The following ST7 variants were observed in gnomAD, a reference collection of about 807,000 sequenced individuals.
ST7 encodes the protein suppression of tumorigenicity 7.
A neutral mutation model predicts 78.7 loss-of-function variants in ST7; 28 were observed. That is an observed-to-expected ratio of 0.36 (90% CI 0.26 to 0.49). The LOEUF (loss-of-function observed/expected upper bound fraction) is 0.49. ST7 is among the 20% of genes least tolerant of loss of function. ST7 has a pLI of 0.99. For missense variants in ST7, 418 were observed against 696.0 expected (o/e 0.60, Z 4.49); for synonymous variants, 247 against 249.6 (o/e 0.99, Z 0.10).
intron 1 of ST7, among the ~76,000 whole-genome samples, chr7:117,036,767 C>G (rs1268450686): frequency 6.6e-6 from 1 of 152,104 alleles, no homozygotes; most frequent in Non-Finnish European, 1.5e-5. Flanking sequence ...TGGCTGCCCA[C>G]TTGGTATTAT....
chr7:117,177,365 A>G (rs1412410658), intron 10 of ST7, among the ~76,000 whole-genome samples: 1 of 152,230 alleles, frequency 6.6e-6, no homozygotes, highest in Non-Finnish European at 1.5e-5. Flanking sequence ...TAGCTGGCAC[A>G]TGTACAAACC....
At chr7:117,127,217 A>G (rs570273847) in intron 3 of ST7, among the ~76,000 whole-genome samples, 2 of 151,910 alleles carry the variant, frequency 1.3e-5, no homozygotes, top group African/African-American at 2.4e-5. Flanking sequence ...AAAGGAACAC[A>G]TAAGAAACTC....
At chr7:116,977,044 T>C (rs1793737126) in intron 1 of ST7, among the ~76,000 whole-genome samples, 1 of 152,236 alleles carries the variant, frequency 6.6e-6, no homozygotes, top group African/African-American at 2.4e-5. Context: ...AATCTGAGAT[T>C]ATGATAGTTA....
At chr7:116,974,405 C>T (rs1245695121) in intron 1 of ST7, among the ~76,000 whole-genome samples, 2 of 151,820 alleles carry the variant, frequency 1.3e-5, no homozygotes, top group Admixed American at 1.3e-4. Flanking sequence ...CTCCTTCCTG[C>T]CTCAGCCTCC....
At chr7:117,088,048 G>A (rs909307575) in intron 1 of ST7, among the ~76,000 whole-genome samples, 4 of 152,164 alleles carry the variant, frequency 2.6e-5, no homozygotes, top group Admixed American at 6.5e-5. Flanking sequence ...CTTCTCATCC[G>A]CCCTGTTTTC....
chr7:117,049,624 T>A (rs1488612480), intron 1 of ST7, among the ~76,000 whole-genome samples: 1 of 152,236 alleles, frequency 6.6e-6, no homozygotes, highest in Non-Finnish European at 1.5e-5. Context: ...AAAGATATTT[T>A]GCAAAAAGTG....
At chr7:117,163,773 C>T (rs549368819) in intron 9 of ST7, among the ~76,000 whole-genome samples, 145 of 152,038 alleles carry the variant, frequency 9.5e-4, no homozygotes, top group Non-Finnish European at 1.8e-3. Flanking sequence ...CTTTGCTGTG[C>T]GGAAGTTTTA....
At chr7:116,978,584 A>G (rs894229430) in intron 1 of ST7, among the ~76,000 whole-genome samples, 1 of 152,040 alleles carries the variant, frequency 6.6e-6, no homozygotes, top group African/African-American at 2.4e-5. Flanking sequence ...CTATCTATCT[A>G]TCTATCTAAT....
chr7:117,159,066 T>C (rs1806925988), intron 9 of ST7, among the ~76,000 whole-genome samples: 1 of 152,196 alleles, frequency 6.6e-6, no homozygotes, highest in African/African-American at 2.4e-5. Context: ...GAACAATACA[T>C]GCATAGCTGA....
intron 15 of ST7, chr7:117,222,803 G>T: frequency 7.8e-7 from 1 of 1,276,434 alleles, no homozygotes; most frequent in South Asian, 1.2e-5. Context: ...ATTTCAAGGC[G>T]AGTGCAATCA....
chr7:117,147,057 G>A (rs886963605), intron 9 of ST7, among the ~76,000 whole-genome samples: 29 of 152,220 alleles, frequency 1.9e-4, no homozygotes, highest in African/African-American at 7.0e-4. Context: ...GTAGTGTCTT[G>A]TGTGTTTAAT....
intron 1 of ST7, among the ~76,000 whole-genome samples, chr7:117,066,764 CAAAAAAAA>C (rs35246518): frequency 1.3e-5 from 1 of 74,734 alleles, no homozygotes. Context: ...GACTCCGTCT[CAAAAAAAA>C]AAAAAAAAAA....
intron 12 of ST7, chr7:117,199,184 T>A (rs193574): frequency 0.64 from 97,847 of 151,804 alleles, 32,133 homozygotes; most frequent in East Asian, 0.92. Flanking sequence ...AATCTCCCTT[T>A]GTGTGAGCTG....
intron 12 of ST7, among the ~76,000 whole-genome samples, chr7:117,205,361 G>A (rs1446307949): frequency 1.3e-5 from 2 of 152,088 alleles, no homozygotes; most frequent in African/African-American, 4.8e-5. Flanking sequence ...ATCATTGACT[G>A]TGATATAAAT....
At chr7:117,156,442 T>A (rs67452319) in intron 9 of ST7, among the ~76,000 whole-genome samples, 10,747 of 152,214 alleles carry the variant, frequency 0.071, 515 homozygotes, top group East Asian at 0.19. Flanking sequence ...TGTGCTTGTG[T>A]CATGTAGAGT....
At chr7:117,074,668 A>T (rs1167632510) in intron 1 of ST7, 2 of 152,196 alleles carry the variant, frequency 1.3e-5, no homozygotes, top group East Asian at 3.8e-4. Flanking sequence ...TTTTAATAAG[A>T]TTTTGAGAGA....
intron 1 of ST7, among the ~76,000 whole-genome samples, chr7:117,070,607 C>T (rs189482837): frequency 3.1e-3 from 475 of 152,212 alleles, no homozygotes; most frequent in Non-Finnish European, 5.2e-3. Flanking sequence ...GTGGCGCGAT[C>T]TCGGCTCACT....
At chr7:116,995,916 G>T (rs1794629615) in intron 1 of ST7, among the ~76,000 whole-genome samples, 1 of 152,152 alleles carries the variant, frequency 6.6e-6, no homozygotes, top group African/African-American at 2.4e-5. Context: ...GTTTGAGCTA[G>T]ATATGACCTG....
intron 1 of ST7, among the ~76,000 whole-genome samples, chr7:117,043,409 A>G (rs1011241568): frequency 2.0e-5 from 3 of 152,196 alleles, no homozygotes; most frequent in South Asian, 2.1e-4. Flanking sequence ...CAGTTTTTCC[A>G]TTGTGGCCTA....
Sources: allele counts gnomAD v4.1 joint callset (sites outside exome capture counted in the v4.1 genomes callset), GRCh38; gene constraint gnomAD v4.1.1; transcripts MANE v1.5; gene names NCBI Gene and HGNC (gene_info 2026-07-23, HGNC 2026-07-21).